The following WBP1L variants were observed in gnomAD, a reference collection of about 807,000 sequenced individuals.
WBP1L encodes WW domain binding protein 1-like.
WBP1L carries 17 observed loss-of-function variants against 33.7 expected under a neutral mutation model. The observed-to-expected ratio is 0.50, with a 90% CI of 0.34 to 0.76. The LOEUF (loss-of-function observed/expected upper bound fraction) is 0.76. Among genes scored for constraint, WBP1L ranks in the 30% least tolerant of loss-of-function variants. The pLI, the probability that WBP1L is intolerant of heterozygous loss-of-function variation, is 0.01. For missense variants in WBP1L, 389 were observed against 469.4 expected (o/e 0.83, Z 1.58); for synonymous variants, 173 against 190.8 (o/e 0.91, Z 0.77).
intron 3 of WBP1L, 139 bp from the exon 4 acceptor site, chr10:102,812,456 C>T (rs1843856929): frequency 9.5e-7 from 1 of 1,047,406 alleles, no homozygotes; most frequent in South Asian, 1.9e-5. Context: ...CTCCTCTGCT[C>T]ACAACCAAGA....
intron 2 of WBP1L, among the ~76,000 whole-genome samples, chr10:102,803,379 T>C (rs1047754530): frequency 2.0e-5 from 3 of 152,210 alleles, no homozygotes; most frequent in Non-Finnish European, 4.4e-5. Context: ...TAGTGAACTC[T>C]TGGGGTTTGT....
At chr10:102,767,967 G>A (rs181279505) in intron 1 of WBP1L, among the ~76,000 whole-genome samples, 2 of 152,242 alleles carry the variant, frequency 1.3e-5, no homozygotes, top group African/African-American at 4.8e-5. Context: ...TGCCCCATGC[G>A]TCCTTGTTTC....
chr10:102,788,033 C>A (rs1302448284), intron 1 of WBP1L, among the ~76,000 whole-genome samples: 1 of 148,956 alleles, frequency 6.7e-6, no homozygotes, highest in East Asian at 2.1e-4. Flanking sequence ...GAGCCGAGAT[C>A]GTGCCACTGT....
intron 1 of WBP1L, among the ~76,000 whole-genome samples, chr10:102,771,590 T>G (rs1247444351): frequency 6.6e-6 from 1 of 151,704 alleles, no homozygotes; most frequent in African/African-American, 2.4e-5. Flanking sequence ...AGCACTTTGG[T>G]TGAGGTCAGG....
intron 1 of WBP1L, among the ~76,000 whole-genome samples, chr10:102,772,377 C>T (rs1228875681): frequency 2.7e-5 from 4 of 147,838 alleles, no homozygotes; most frequent in African/African-American, 1.0e-4. Flanking sequence ...TCTCCTGCTT[C>T]AGTCTCTCAA....
At chr10:102,773,726 T>C (rs1843219931) in intron 1 of WBP1L, among the ~76,000 whole-genome samples, 1 of 151,598 alleles carries the variant, frequency 6.6e-6, no homozygotes, top group Non-Finnish European at 1.5e-5. Flanking sequence ...CTACAAAAAA[T>C]AAAAATTAAA....
rs1228259987 is a variant in WBP1L at position 102,815,987 on chromosome 10, A to G, written c.*2656A>G. The G allele has an allele frequency of 6.6e-6, 1 of 152,638 alleles. No homozygotes were observed. The highest frequency in any genetic ancestry group is 1.5e-5 in the Non-Finnish European group (1 of 68,048). The allele number at this position is 152,638 out of a possible 1,614,324, so 9.5% of individuals were successfully genotyped here. A position where few individuals can be genotyped will look rare whatever the true frequency, so the allele number is the denominator to read the frequency against. On this transcript the variant is annotated 3_prime_UTR_variant, in exon 4 of 4. Transcript: ENST00000448841. ...AAGGAATCGTTAGGGGGCCAGGGAGATGTGACTGAGGCTGGCTTTCCACGT... is the reference window on the plus strand; with the variant it reads ...AAGGAATCGTTAGGGGGCCAGGGAGGTGTGACTGAGGCTGGCTTTCCACGT...
intron 1 of WBP1L, among the ~76,000 whole-genome samples, chr10:102,790,812 A>G (rs1448205256): frequency 2.0e-5 from 3 of 152,072 alleles, no homozygotes; most frequent in African/African-American, 7.2e-5. Context: ...CGCCTGGCCA[A>G]CAGAACTTTA....
At chr10:102,769,021 G>C (rs902522790) in intron 1 of WBP1L, among the ~76,000 whole-genome samples, 5 of 152,092 alleles carry the variant, frequency 3.3e-5, no homozygotes, top group Admixed American at 3.3e-4. Context: ...GTCTCACTCT[G>C]ATACCCAGGC....
chr10:102,788,906 A>G (rs1843458304), intron 1 of WBP1L, among the ~76,000 whole-genome samples: 1 of 152,214 alleles, frequency 6.6e-6, no homozygotes, highest in East Asian at 1.9e-4. Flanking sequence ...GACTAGCCAA[A>G]GCCAACAATG....
Position 102,813,583 on chromosome 10 carries a change from A to C in WBP1L, c.*252A>C. The C allele has an allele frequency of 2.0e-6, 1 of 509,626 alleles. No homozygotes were observed. The highest frequency in any genetic ancestry group is 3.1e-5 in the East Asian group (1 of 31,788). 31.6% of individuals were successfully genotyped at this position (509,626 alleles called of 1,614,324 possible). A position where few individuals can be genotyped will look rare whatever the true frequency, so the allele number is the denominator to read the frequency against. ...TCTGTGACTCATTCCTCATACCCTA[A>C]CTCCATCTCCTTTCTTTAAAGTCAA... On this transcript the variant is annotated 3_prime_UTR_variant, in exon 4 of 4. Coordinates refer to ENST00000448841, the MANE Select transcript of WBP1L (RefSeq NM_001083913.2).
At chr10:102,751,483 T>G (rs1842923706) in intron 1 of WBP1L, among the ~76,000 whole-genome samples, 4 of 151,966 alleles carry the variant, frequency 2.6e-5, no homozygotes, top group South Asian at 4.1e-4. Context: ...AATTTTTGTA[T>G]TTTTTGTAGA....
chr10:102,761,934 A>G (rs1230410727), intron 1 of WBP1L, among the ~76,000 whole-genome samples: 2 of 152,210 alleles, frequency 1.3e-5, no homozygotes, highest in African/African-American at 4.8e-5. Flanking sequence ...TGTAGCCTCA[A>G]ACTCCTGAGC....
intron 1 of WBP1L, among the ~76,000 whole-genome samples, chr10:102,796,899 C>T (rs929764867): frequency 1.3e-5 from 2 of 152,172 alleles, no homozygotes; most frequent in African/African-American, 4.8e-5. Flanking sequence ...TTATATCTTA[C>T]ATGTGAAACT....
intron 1 of WBP1L, among the ~76,000 whole-genome samples, chr10:102,786,710 C>T (rs1475643): frequency 0.51 from 77,989 of 152,046 alleles, 20,963 homozygotes; most frequent in Non-Finnish European, 0.62. Flanking sequence ...GGGACCAGAC[C>T]AGATTGTTCC....
At chr10:102,767,238 T>A (rs1024948862) in intron 1 of WBP1L, among the ~76,000 whole-genome samples, 34 of 152,182 alleles carry the variant, frequency 2.2e-4, no homozygotes, top group African/African-American at 8.0e-4. Flanking sequence ...CCTACGAAAG[T>A]AATAAATATT....
chr10:102,778,190 TTCCC>T (rs1466586500), intron 1 of WBP1L, among the ~76,000 whole-genome samples: 1 of 152,220 alleles, frequency 6.6e-6, no homozygotes, highest in Non-Finnish European at 1.5e-5. Flanking sequence ...GATCTACTCA[TTCCC>T]AAAGGATGCA....
chr10:102,776,157 A>G, intron 1 of WBP1L: 3 of 1,412,574 alleles, frequency 2.1e-6, no homozygotes, highest in Non-Finnish European at 2.8e-6. Context: ...CGTCTGAGAT[A>G]TGTCACGAGA....
intron 1 of WBP1L, among the ~76,000 whole-genome samples, chr10:102,779,635 G>T (rs1843311204): frequency 6.6e-6 from 1 of 152,158 alleles, no homozygotes; most frequent in South Asian, 2.1e-4. Context: ...TCTGGGCCAG[G>T]GCCCCAGAAT....
Sources: gnomAD v4.1 joint callset for allele counts (sites outside exome capture counted in the v4.1 genomes callset) on GRCh38, gnomAD v4.1.1 for gene constraint, MANE v1.5 for transcripts, NCBI Gene and HGNC (gene_info 2026-07-23, HGNC 2026-07-21) for gene names.